Variants in SMAD4 observed in about 807,000 individuals in gnomAD.
SMAD4 encodes the protein MAD homolog 4.
Under a neutral mutation model 63.2 loss-of-function variants are expected in SMAD4, and 7 were observed. That is an observed-to-expected ratio of 0.11 (90% confidence interval 0.06 to 0.21). The LOEUF (loss-of-function observed/expected upper bound fraction) is 0.21, where lower values mean the gene tolerates loss of function less well. SMAD4 is among the 10% of genes least tolerant of loss of function. SMAD4 has a pLI of 1.00. For synonymous variants in SMAD4, 215 were observed against 235.4 expected (o/e 0.91, Z 0.79); for missense variants, 312 against 693.8 (o/e 0.45, Z 6.18).
At chr18:51,075,622 GA>G (rs1172632113) in intron 10 of SMAD4, among the ~76,000 whole-genome samples, 1 of 151,162 alleles carries the variant, frequency 6.6e-6, no homozygotes, top group Admixed American at 6.6e-5. Context: ...TTTTTCCCCA[GA>G]AAAAAAGGTG....
rs761701805 is a variant in SMAD4 at position 51,080,341 on chromosome 18, C to G, written c.*1874C>G. Reference sequence around the variant, plus strand: ...ACTCTTGATTACTTACAAATTCTTTCAGTAAACACCTAATTTTCTTCTGTA... The same window carrying G: ...ACTCTTGATTACTTACAAATTCTTTGAGTAAACACCTAATTTTCTTCTGTA... On this transcript the variant is annotated 3_prime_UTR_variant, in exon 12 of 12. Transcript: ENST00000342988. 206 of 231,814 alleles carry G rather than the reference C, an allele frequency of 8.9e-4. 2 individuals are homozygous for G. Among genetic ancestry groups the G allele is most frequent in the African/African-American group, 1.8e-4 (8 of 45,296 alleles). 14.4% of individuals were successfully genotyped at this position (231,814 alleles called of 1,614,324 possible). A position where few individuals can be genotyped will look rare whatever the true frequency, so the allele number is the denominator to read the frequency against.
chr18:51,052,867 A>G (rs1323475766), intron 4 of SMAD4: 1 of 157,644 alleles, frequency 6.3e-6, no homozygotes, highest in African/African-American at 2.4e-5. Flanking sequence ...GATTTTTTAA[A>G]CATGCATATG....
chr18:51,055,266 G>A (rs1214871971), intron 5 of SMAD4, among the ~76,000 whole-genome samples: 4 of 151,984 alleles, frequency 2.6e-5, no homozygotes, highest in African/African-American at 4.8e-5. Context: ...GATATATTTT[G>A]GAGAAATATT....
Position 51,061,247 on chromosome 18 carries a change from CAATTA to C in SMAD4, c.955+1337_955+1341del, listed in dbSNP as rs1438155560. The stretch of plus-strand genomic sequence containing the variant: ...ACTCTGTTAGTTATTTTAAAGTGTA[CAATTA>C]AATTATTGGCTACAGTCACCCTGTT... On this transcript the variant is annotated intron_variant, in intron 8 of 11. Transcript: ENST00000342988. Among the ~76,000 whole-genome samples the C allele has an allele frequency of 2.6e-5, 4 of 152,168 alleles. No homozygotes were observed. In the East Asian group the frequency reaches 7.7e-4, roughly 29 times the overall value.
At chr18:51,046,387 G>A (rs1230063367) in intron 1 of SMAD4, among the ~76,000 whole-genome samples, 1 of 150,124 alleles carries the variant, frequency 6.7e-6, no homozygotes, top group Non-Finnish European at 1.5e-5. Context: ...ATTGGCCATC[G>A]TCTTTGGAGA....
In SMAD4 at chr18:51,048,325, T is replaced by G. The variant is rs186343031; in HGVS notation, c.250-361T>G. 1.5e-3 allele frequency among the ~76,000 whole-genome samples: 232 copies of G among 152,252 alleles called. 1 individual carries two copies. The highest frequency in any genetic ancestry group is 5.5e-3 in the African/African-American group (228 of 41,546). ...GGCACATACCACCATGCCTGGGTAA[T>G]TTTTTATTATTTGTGGAGACAAGGG... On this transcript the variant is annotated intron_variant, in intron 2 of 11. Coordinates refer to ENST00000342988, the MANE Select transcript of SMAD4 (RefSeq NM_005359.6).
At chr18:51,052,670 AG>A (rs1181464936) in intron 4 of SMAD4, 5 of 282,778 alleles carry the variant, frequency 1.8e-5, no homozygotes, top group African/African-American at 1.1e-4. Context: ...TACTATAAAA[AG>A]GTATACAGTG....
intron 4 of SMAD4, chr18:51,053,073 A>C (rs944721680): frequency 6.6e-6 from 1 of 152,280 alleles, no homozygotes; most frequent in Non-Finnish European, 1.5e-5. Flanking sequence ...TATTTAGGGC[A>C]AGAAAGATTT....
chr18:51,059,737 A>G, intron 7 of SMAD4, 129 bp from the exon 8 acceptor site: 1 of 713,938 alleles, frequency 1.4e-6, no homozygotes, highest in Non-Finnish European at 2.5e-6. Flanking sequence ...AAGTTCTTAG[A>G]CATTGCATAA....
At chr18:51,073,410 C>T (rs1442022965) in intron 10 of SMAD4, among the ~76,000 whole-genome samples, 8 of 141,454 alleles carry the variant, frequency 5.7e-5, no homozygotes, top group South Asian at 4.6e-4. Context: ...CACACACACA[C>T]ACACACACAC....
In SMAD4 at chr18:51,083,402, C is replaced by T. The variant is rs1008784179; in HGVS notation, c.*4935C>T. The T allele has an allele frequency of 8.8e-6, 2 of 228,488 alleles. No individual in the cohort carries two copies. The highest frequency in any genetic ancestry group is 1.7e-5 in the Non-Finnish European group (2 of 115,390). 14.2% of individuals were successfully genotyped at this position (228,488 alleles called of 1,614,324 possible). A position where few individuals can be genotyped will look rare whatever the true frequency, so the allele number is the denominator to read the frequency against. On this transcript the variant is annotated 3_prime_UTR_variant, in exon 12 of 12. Coordinates refer to ENST00000342988, the MANE Select transcript of SMAD4 (RefSeq NM_005359.6). ...TAGCTAAAGTAATTGCTAGTGTTTTCAGGGATTTTAACATCAGACTGGAAT... is the reference window on the plus strand; with the variant it reads ...TAGCTAAAGTAATTGCTAGTGTTTTTAGGGATTTTAACATCAGACTGGAAT...
rs1411739033 is a variant in SMAD4, at chr18:51,083,225, C to G, written c.*4758C>G. ...GAGGACACCAGCAAACAACACACAA[C>G]AAAGCAAAACAAACCTTGGGAAACT... is the stretch of plus-strand genomic sequence containing the variant. On this transcript the variant is annotated 3_prime_UTR_variant, in exon 12 of 12. Transcript: ENST00000342988. The G allele has an allele frequency of 4.4e-6, 1 of 227,096 alleles. No homozygotes were observed. The highest frequency in any genetic ancestry group is 8.8e-6 in the Non-Finnish European group (1 of 114,274). 14.1% of individuals were successfully genotyped at this position (227,096 alleles called of 1,614,324 possible).
chr18:51,045,499 T>C (rs533614090), intron 1 of SMAD4, among the ~76,000 whole-genome samples: 9 of 152,354 alleles, frequency 5.9e-5, no homozygotes, highest in Admixed American at 2.0e-4. Context: ...ATAAGTTAGT[T>C]TTCTACCTGT....
intron 10 of SMAD4, among the ~76,000 whole-genome samples, chr18:51,070,287 CTTAT>C (rs570419739): frequency 2.1e-3 from 323 of 152,284 alleles, no homozygotes; most frequent in African/African-American, 6.9e-3. Flanking sequence ...TACATTGTGA[CTTAT>C]TTATATTTTG....
At chr18:51,063,856 T>G (rs1449577815) in intron 8 of SMAD4, among the ~76,000 whole-genome samples, 1 of 152,204 alleles carries the variant, frequency 6.6e-6, no homozygotes, top group African/African-American at 2.4e-5. Flanking sequence ...TTCATTAGAG[T>G]GACATGGCAA....
At chr18:51,048,472 T>G (rs1400044190) in intron 2 of SMAD4, among the ~76,000 whole-genome samples, 1 of 152,238 alleles carries the variant, frequency 6.6e-6, no homozygotes, top group African/African-American at 2.4e-5. Context: ...TTTACATTTT[T>G]AAAACCTGAG....
intron 10 of SMAD4, among the ~76,000 whole-genome samples, chr18:51,075,609 T>C (rs1910452217): frequency 6.6e-6 from 1 of 151,744 alleles, no homozygotes; most frequent in Non-Finnish European, 1.5e-5. Context: ...TTAGGAAGAT[T>C]TTTTTTTCCC....
At chr18:51,070,282 T>G (rs1410506461) in intron 10 of SMAD4, among the ~76,000 whole-genome samples, 1 of 152,312 alleles carries the variant, frequency 6.6e-6, no homozygotes, top group East Asian at 1.9e-4. Context: ...ATAGATACAT[T>G]GTGACTTATT....
At chr18:51,045,095 G>T (rs1202023392) in intron 1 of SMAD4, 1 of 152,208 alleles carries the variant, frequency 6.6e-6, no homozygotes, top group Non-Finnish European at 1.5e-5. Flanking sequence ...TACAACAGTG[G>T]CAGGGAGAAT....
Sources: allele counts gnomAD v4.1 joint callset (sites outside exome capture counted in the v4.1 genomes callset), GRCh38; gene constraint gnomAD v4.1.1; transcripts MANE v1.5; gene names NCBI Gene and HGNC (gene_info 2026-07-23, HGNC 2026-07-21).